Variants in PRR12 observed in about 807,000 individuals in gnomAD.
PRR12 encodes the protein proline rich 12.
A neutral mutation model predicts 138.0 loss-of-function variants in PRR12; 12 were observed. The ratio of observed to expected loss-of-function variants is 0.09; its 90% CI spans 0.06 to 0.14. PRR12 has a LOEUF of 0.14. Ranked by LOEUF, PRR12 falls within the 10% of genes least tolerant of loss-of-function variation. The pLI is 1.00. For missense variants in PRR12, 2,692 were observed against 2,861.3 expected (o/e 0.94, Z 1.35); for synonymous variants, 1,567 against 1,291.7 (o/e 1.21, Z -4.57).
intron 6 of PRR12, among the ~76,000 whole-genome samples, chr19:49,608,973 G>A (rs542447955): frequency 2.6e-5 from 4 of 152,306 alleles, no homozygotes; most frequent in African/African-American, 7.2e-5. Flanking sequence ...TGTTGTTGGG[G>A]TTGTCATAAG....
chr19:49,621,664 C>T, intron 11 of PRR12, 42 bp downstream of exon 11: 1 of 1,475,066 alleles, frequency 6.8e-7, no homozygotes, highest in Non-Finnish European at 9.2e-7. Flanking sequence ...GGCCCAGGGT[C>T]CACATGGAGA....
In PRR12 at chr19:49,596,811, C is replaced by T. The variant is rs781017226; in HGVS notation, c.2476C>T (p.Pro826Ser). Residue 826 changes from proline (P) to serine (S), a missense_variant, in exon 4 of 14, where the codon CCA (proline) becomes TCA (serine). Coordinates refer to ENST00000418929, the MANE Select transcript of PRR12 (RefSeq NM_020719.3). The surrounding 1 kb of genome is among the most constrained non-coding windows in gnomAD (Gnocchi z 5.6). ...CAAAGTCGGCGTCCACCTCCTTGAG[C>T]CAGCCACCCGCGATGGGGCACCCCA... ...ASKVGVHLLE[P>S]ATRDGAPQPP... The T allele has an allele frequency of 1.3e-6, 2 of 1,599,290 alleles. No homozygotes were observed. Among genetic ancestry groups the T allele is most frequent in the African/African-American group, 2.7e-5 (2 of 74,808 alleles).
rs944040947 is a variant in PRR12 at position 49,625,710 on chromosome 19, G to A, written c.*103G>A. 1.4e-5 allele frequency: 20 copies of A among 1,426,722 alleles called. No individual in the cohort carries two copies. In the East Asian group the frequency reaches 4.4e-4, roughly 31 times the overall value. 88.4% of individuals were successfully genotyped at this position (1,426,722 alleles called of 1,614,324 possible). A position where few individuals can be genotyped will look rare whatever the true frequency, so the allele number is the denominator to read the frequency against. On this transcript the variant is annotated 3_prime_UTR_variant, in exon 14 of 14. Transcript: ENST00000418929. The surrounding 1 kb of genome is among the most constrained non-coding windows in gnomAD (Gnocchi z 5.5). Reference sequence around the variant, plus strand: ...ACCTGGGCTCCATCGCCGGGGAAAGGGGGTCATGGGTCAGGGTGTGTCTGT... The same window carrying A: ...ACCTGGGCTCCATCGCCGGGGAAAGAGGGTCATGGGTCAGGGTGTGTCTGT...
chr19:49,595,534 C>T lies in PRR12; in HGVS notation c.1199C>T (p.Ala400Val). The change falls in exon 4 of 14, where the codon GCC (alanine) becomes GTC (valine). Residue 400 changes from alanine (A) to valine (V), a missense_variant. Coordinates refer to ENST00000418929, the MANE Select transcript of PRR12 (RefSeq NM_020719.3). ...GGCAAAGGTGGTTATGGAGCAGCTGCCGGGGGTGCCACCAGGCCCCCCCCA... is the reference window on the plus strand; with the variant it reads ...GGCAAAGGTGGTTATGGAGCAGCTGTCGGGGGTGCCACCAGGCCCCCCCCA... ...KTGKGGYGAAAGGATRPPPPR... is the reference protein window; with the variant it reads ...KTGKGGYGAAVGGATRPPPPR... 2 of 1,577,514 alleles carry T rather than the reference C, an allele frequency of 1.3e-6. No individual in the cohort carries two copies. Among genetic ancestry groups the T allele is most frequent in the Non-Finnish European group, 1.7e-6 (2 of 1,162,612 alleles).
Position 49,595,118 on chromosome 19 carries a change from C to T in PRR12, c.783C>T (p.Ser261=). The change falls in exon 4 of 14, where the codon TCC becomes TCT. Residue 261 remains serine (S), a synonymous_variant. Coordinates refer to ENST00000418929, the MANE Select transcript of PRR12 (RefSeq NM_020719.3). ...SSAAAAAAEQ[S]SPQLYNFSGA... ...CTGCCGCCGCCGCTGCCGAGCAGTC[C>T]TCCCCACAGCTCTATAACTTCTCGG... 1.2e-6 allele frequency: 2 copies of T among 1,612,188 alleles called. No homozygotes were observed. The highest frequency in any genetic ancestry group is 1.7e-6 in the Non-Finnish European group (2 of 1,179,734).
intron 11 of PRR12, chr19:49,621,866 G>A (rs1877321802): frequency 1.9e-6 from 1 of 532,496 alleles, no homozygotes; most frequent in East Asian, 3.1e-5. Context: ...AGGCTGGGCT[G>A]TTGTTTCGGA....
chr19:49,613,301 C>G (rs1465507757), intron 6 of PRR12, among the ~76,000 whole-genome samples: 4 of 146,964 alleles, frequency 2.7e-5, no homozygotes, highest in African/African-American at 1.0e-4. Context: ...CGCCCCTGCA[C>G]TCTAGCCTGG....
chr19:49,602,639 C>T (rs1201272784), intron 6 of PRR12, among the ~76,000 whole-genome samples: 1 of 152,180 alleles, frequency 6.6e-6, no homozygotes, highest in South Asian at 2.1e-4. Context: ...GCAGCCTCTG[C>T]CTCCCAGGTT....
intron 9 of PRR12, among the ~76,000 whole-genome samples, chr19:49,619,114 A>G (rs919130293): frequency 2.0e-5 from 3 of 151,756 alleles, no homozygotes; most frequent in South Asian, 2.1e-4. Context: ...GAAACCAACA[A>G]TGCTGCTGCT....
At chr19:49,621,436 G>T (rs1244908439) in intron 10 of PRR12, 89 bp from the exon 11 acceptor site, 26 of 1,040,348 alleles carry the variant, frequency 2.5e-5, no homozygotes, top group Non-Finnish European at 3.8e-5. Context: ...GTGGGAAGGG[G>T]ATTTGGGGAC....
At chr19:49,610,806 G>A (rs2080862325) in intron 6 of PRR12, among the ~76,000 whole-genome samples, 1 of 151,718 alleles carries the variant, frequency 6.6e-6, no homozygotes, top group Non-Finnish European at 1.5e-5. Flanking sequence ...GCCTCCCAAA[G>A]TGCTGGGATT....
chr19:49,595,625 G>C lies in PRR12; in HGVS notation c.1290G>C (p.Gly430=). The C allele has an allele frequency of 6.2e-7, 1 of 1,607,972 alleles. No homozygotes were observed. Among genetic ancestry groups the C allele is most frequent in the South Asian group, 1.1e-5 (1 of 90,436 alleles). The change falls in exon 4 of 14, where the codon GGG becomes GGC. Residue 430 remains glycine, a synonymous_variant. Transcript: ENST00000418929. ...GGCCAGCAGCCGCCTATGCCACTGG[G>C]AAGGCCTCTGGGGCTGGAGGGGCAG... ...LGGPAAAYAT[G]KASGAGGAGG... is the part of the protein sequence containing the mutation.
intron 6 of PRR12, among the ~76,000 whole-genome samples, chr19:49,612,889 C>T (rs1489122849): frequency 6.6e-6 from 1 of 151,786 alleles, no homozygotes; most frequent in Non-Finnish European, 1.5e-5. Context: ...GTCTCAAACT[C>T]CCGACCTCAA....
At position 49,625,256 on chromosome 19, in the gene PRR12, C is replaced by T. The variant is rs981966567; in HGVS notation, c.5964+56C>T. 2 of 1,568,870 alleles carry T rather than the reference C, an allele frequency of 1.3e-6. No individual in the cohort carries two copies. Among genetic ancestry groups the T allele is most frequent in the Non-Finnish European group, 1.8e-6 (2 of 1,142,200 alleles). ...GGGATTCCAACCTTTCTGACTTCCT[C>T]TTGGGATCTGAGGGTCCAAGCCCAG... On this transcript the variant is annotated intron_variant, in intron 13 of 13. Transcript: ENST00000418929. This position sits in a 1 kb window ranked among gnomAD's most constrained non-coding sequence, Gnocchi z 5.5.
At chr19:49,612,219 ACT>A (rs1237681733) in intron 6 of PRR12, among the ~76,000 whole-genome samples, 1 of 136,478 alleles carries the variant, frequency 7.3e-6, no homozygotes, top group African/African-American at 2.8e-5. Flanking sequence ...ACAGAGCAAG[ACT>A]CTGTCTCAAA....
intron 9 of PRR12, among the ~76,000 whole-genome samples, chr19:49,617,363 C>T (rs535832860): frequency 4.6e-5 from 7 of 152,054 alleles, no homozygotes; most frequent in Non-Finnish European, 8.8e-5. Context: ...TGTGGTGGCT[C>T]GCACCGGTAA....
chr19:49,612,542 A>G (rs2080872252), intron 6 of PRR12, among the ~76,000 whole-genome samples: 1 of 152,058 alleles, frequency 6.6e-6, no homozygotes, highest in Non-Finnish European at 1.5e-5. Context: ...TGCTAGCCAG[A>G]GGGTCTGATC....
At chr19:49,592,569 C>A (rs577696715) in intron 1 of PRR12, among the ~76,000 whole-genome samples, 2 of 152,248 alleles carry the variant, frequency 1.3e-5, no homozygotes, top group South Asian at 2.1e-4. Context: ...GCACCTCCCC[C>A]CCAACACACC....
chr19:49,597,936 C>T lies in PRR12; in HGVS notation c.3601C>T (p.Arg1201Trp), dbSNP rs1311664456. The T allele has an allele frequency of 5.0e-6, 7 of 1,401,864 alleles. No individual in the cohort carries two copies. The East Asian group carries it at 1.4e-4, about 28-fold the overall frequency. The allele number at this position is 1,401,864 out of a possible 1,614,324, so 86.8% of individuals were successfully genotyped here. A position where few individuals can be genotyped will look rare whatever the true frequency, so the allele number is the denominator to read the frequency against. The change falls in exon 4 of 14, where the codon CGG becomes TGG. Residue 1201 changes from arginine (R) to tryptophan (W), a missense_variant. By Grantham distance (101) the Arg-to-Trp change is moderately radical. This residue lies in a region of PRR12 where 326 missense variants were observed against 344.2 expected (regional missense o/e 0.95). Coordinates refer to ENST00000418929, the MANE Select transcript of PRR12 (RefSeq NM_020719.3). This position sits in a 1 kb window ranked among gnomAD's most constrained non-coding sequence, Gnocchi z 6.3. ...STPTDGAKKP[R>W]GRGRGRGRKA... The stretch of plus-strand genomic sequence containing the variant: ...GCCCACCGATGGCGCCAAGAAACCC[C>T]GGGGCCGGGGCCGAGGCCGGGGTCG...
Sources: allele counts gnomAD v4.1 joint callset (sites outside exome capture counted in the v4.1 genomes callset), GRCh38; gene constraint gnomAD v4.1.1; regional missense constraint gnomAD v4.1.1; non-coding constraint Gnocchi (gnomAD v3.1); transcripts MANE v1.5; gene names NCBI Gene and HGNC (gene_info 2026-07-23, HGNC 2026-07-21).